The following SDK1 variants were observed in gnomAD, a reference collection of about 807,000 sequenced individuals.
SDK1 encodes protein sidekick-1.
Under a neutral mutation model 245.5 loss-of-function variants are expected in SDK1, and 157 were observed. The observed-to-expected ratio is 0.64, with a 90% confidence interval of 0.56 to 0.73. The LOEUF (loss-of-function observed/expected upper bound fraction) is 0.73. Ranked by LOEUF, SDK1 falls within the 30% of genes least tolerant of loss-of-function variation. SDK1 has a pLI of 0.00. For synonymous variants in SDK1, 1,647 were observed against 1,278.5 expected (o/e 1.29, Z -6.15); for missense variants, 3,583 against 3,002.3 (o/e 1.19, Z -4.52).
intron 4 of SDK1, among the ~76,000 whole-genome samples, chr7:3,761,565 A>T (rs58728742): frequency 0.027 from 4,050 of 151,164 alleles, 166 homozygotes; most frequent in African/African-American, 0.084. Flanking sequence ...AAAAAAAAAA[A>T]AATAATAATA....
intron 5 of SDK1, among the ~76,000 whole-genome samples, chr7:3,891,557 G>C (rs769393915): frequency 1.3e-5 from 2 of 152,020 alleles, no homozygotes; most frequent in African/African-American, 4.8e-5. Flanking sequence ...CTTTGATTCC[G>C]GTCAACCCCG....
intron 4 of SDK1, among the ~76,000 whole-genome samples, chr7:3,750,762 T>A (rs552991482): frequency 6.6e-6 from 1 of 152,184 alleles, no homozygotes; most frequent in African/African-American, 2.4e-5. Flanking sequence ...ATGCAAAGAA[T>A]CTTTGTCAGT....
chr7:3,510,715 CAGAG>C (rs1328488822), intron 1 of SDK1, among the ~76,000 whole-genome samples: 2 of 152,102 alleles, frequency 1.3e-5, no homozygotes, highest in Admixed American at 6.6e-5. Flanking sequence ...TAGCAGTTCT[CAGAG>C]AGAACAGATG....
chr7:3,670,534 A>C lies in SDK1; in HGVS notation c.713+28429A>C, dbSNP rs984896004. ...TCTCTGAAATGCAGTTATTAGTCTC[A>C]GCTTCTTAGGGGATTTGTGTGAATT... On this transcript the variant is annotated intron_variant, in intron 4 of 44. Coordinates refer to ENST00000404826, the MANE Select transcript of SDK1 (RefSeq NM_152744.4). Among the ~76,000 whole-genome samples the C allele has an allele frequency of 2.0e-5, 3 of 152,338 alleles. No individual in the cohort carries two copies. The East Asian group carries it at 5.8e-4, about 29-fold the overall frequency.
chr7:3,326,487 G>T (rs1269212644), intron 1 of SDK1, among the ~76,000 whole-genome samples: 2 of 152,110 alleles, frequency 1.3e-5, no homozygotes, highest in African/African-American at 4.8e-5. Flanking sequence ...GATGAATACA[G>T]TTGTCTGGTA....
intron 1 of SDK1, among the ~76,000 whole-genome samples, chr7:3,468,957 A>G (rs1781096934): frequency 6.6e-6 from 1 of 152,228 alleles, no homozygotes; most frequent in Admixed American, 6.5e-5. Flanking sequence ...AACACAATTT[A>G]GGTATTTCCC....
chr7:3,359,140 T>C (rs1391046752), intron 1 of SDK1, among the ~76,000 whole-genome samples: 1 of 152,102 alleles, frequency 6.6e-6, no homozygotes, highest in African/African-American at 2.4e-5. Flanking sequence ...GGAGTCCCAT[T>C]TGGTGCTTTT....
chr7:4,091,336 T>TTTC (rs1198469568), intron 22 of SDK1, among the ~76,000 whole-genome samples: 3 of 91,954 alleles, frequency 3.3e-5, no homozygotes, highest in African/African-American at 1.1e-4. Context: ...TTTCTTTTCT[T>TTTC]TTTTTTTTTT....
At chr7:4,022,761 T>C (rs1462546478) in intron 17 of SDK1, among the ~76,000 whole-genome samples, 1 of 146,912 alleles carries the variant, frequency 6.8e-6, no homozygotes. Context: ...TCGTTTTTCT[T>C]TTCTTTCTTT....
chr7:3,832,145 G>A (rs1779928198), intron 5 of SDK1, among the ~76,000 whole-genome samples: 1 of 152,144 alleles, frequency 6.6e-6, no homozygotes, highest in Non-Finnish European at 1.5e-5. Context: ...CCTTTTTGCA[G>A]ATGAGGTAAC....
At chr7:3,320,464 A>G (rs1779775194) in intron 1 of SDK1, among the ~76,000 whole-genome samples, 1 of 152,156 alleles carries the variant, frequency 6.6e-6, no homozygotes, top group Non-Finnish European at 1.5e-5. Context: ...TCCCTGTTAA[A>G]AAATTAGCCT....
intron 4 of SDK1, among the ~76,000 whole-genome samples, chr7:3,769,168 A>G (rs1166758908): frequency 6.6e-6 from 1 of 152,218 alleles, no homozygotes; most frequent in Non-Finnish European, 1.5e-5. Context: ...CTAGTTTCCC[A>G]CAATGGTGAT....
intron 14 of SDK1, among the ~76,000 whole-genome samples, chr7:4,008,805 T>A (rs1361788951): frequency 6.6e-6 from 1 of 152,180 alleles, no homozygotes; most frequent in East Asian, 1.9e-4. Flanking sequence ...CCTCATCATA[T>A]CCCTCAGGTT....
In SDK1 at chr7:3,672,759, TTATATATATA is replaced by T. The variant is rs60760676; in HGVS notation, c.713+30681_713+30690del. On this transcript the variant is annotated intron_variant, in intron 4 of 44. Coordinates refer to ENST00000404826, the MANE Select transcript of SDK1 (RefSeq NM_152744.4). Reference sequence around the variant, plus strand: ...ATATATATTTTTATAATATATAATTTTATATATATATATATATATATATATATATATATAT... The same window carrying T: ...ATATATATTTTTATAATATATAATTTTATATATATATATATATATATATAT... Among the ~76,000 whole-genome samples, 9 of 50,758 alleles carry T rather than the reference TTATATATATA, an allele frequency of 1.8e-4. 1 individual carries two copies. The East Asian group carries it at 4.4e-3, about 25-fold the overall frequency. The allele number at this position is 50,758 out of a possible 152,430, so 33.3% of individuals were successfully genotyped here.
At chr7:4,096,394 C>G (rs894370478) in intron 22 of SDK1, among the ~76,000 whole-genome samples, 17 of 152,068 alleles carry the variant, frequency 1.1e-4, no homozygotes, top group African/African-American at 4.1e-4. Flanking sequence ...AGCCACCCTC[C>G]CGGCAATGGT....
intron 38 of SDK1, among the ~76,000 whole-genome samples, chr7:4,213,626 C>T (rs1295542838): frequency 6.6e-6 from 1 of 151,986 alleles, no homozygotes; most frequent in Non-Finnish European, 1.5e-5. Context: ...AAGGCCATTC[C>T]ATGGGTCATT....
At chr7:3,540,247 A>C (rs1313794644) in intron 1 of SDK1, among the ~76,000 whole-genome samples, 1 of 152,184 alleles carries the variant, frequency 6.6e-6, no homozygotes, top group Non-Finnish European at 1.5e-5. Flanking sequence ...TCACTACTAA[A>C]AATACAAAAA....
chr7:3,466,339 CTCAAAACATTAATAGGAAGCGTGACA>C (rs1781001089), intron 1 of SDK1, among the ~76,000 whole-genome samples: 1 of 151,338 alleles, frequency 6.6e-6, no homozygotes, highest in Admixed American at 6.6e-5. Context: ...GATGCTGCTT[CTCAAAACATTAATAGGAAGCGTGACA>C]TCAAGCCATG....
chr7:3,820,866 C>G (rs548274041), intron 4 of SDK1, among the ~76,000 whole-genome samples: 5 of 152,298 alleles, frequency 3.3e-5, no homozygotes, highest in African/African-American at 9.6e-5. Flanking sequence ...CTTTGCACTT[C>G]TAAGACATGG....
Sources: gnomAD v4.1 joint callset for allele counts (sites outside exome capture counted in the v4.1 genomes callset) on GRCh38, gnomAD v4.1.1 for gene constraint, MANE v1.5 for transcripts, NCBI Gene and HGNC (gene_info 2026-07-23, HGNC 2026-07-21) for gene names.